The following TRAF3IP3 variants were observed in gnomAD, a reference collection of about 807,000 sequenced individuals.
TRAF3IP3 encodes the protein TRAF3-interacting JNK-activating modulator.
TRAF3IP3 carries 64 observed loss-of-function variants against 86.5 expected under a neutral mutation model. That is an observed-to-expected ratio of 0.74 (90% CI 0.60 to 0.91). The LOEUF (loss-of-function observed/expected upper bound fraction) is 0.91. Among genes scored for constraint, TRAF3IP3 ranks in the 40% least tolerant of loss-of-function variants. The pLI, the probability that TRAF3IP3 is intolerant of heterozygous loss-of-function variation, is 0.00. For synonymous variants in TRAF3IP3, 220 were observed against 243.9 expected (o/e 0.90, Z 0.91); for missense variants, 579 against 642.9 (o/e 0.90, Z 1.07).
intron 8 of TRAF3IP3, among the ~76,000 whole-genome samples, 173 bp from the exon 9 acceptor site, chr1:209,772,775 G>T (rs575620696): frequency 6.6e-6 from 1 of 152,170 alleles, no homozygotes; most frequent in Non-Finnish European, 1.5e-5. Context: ...AGAAACAGGA[G>T]AAGATCCTCT....
At chr1:209,763,278 A>G in intron 6 of TRAF3IP3, 85 bp from the exon 7 acceptor site, 1 of 1,533,994 alleles carries the variant, frequency 6.5e-7, no homozygotes, top group Non-Finnish European at 9.0e-7. Context: ...TTTGCTCTAC[A>G]CAAGCCAGCC....
Position 209,770,680 on chromosome 1 carries a change from GGT to G in TRAF3IP3, c.703-2258_703-2257del, listed in dbSNP as rs1211120812. Among the ~76,000 whole-genome samples, 856 of 136,404 alleles carry G rather than the reference GGT, an allele frequency of 6.3e-3. 15 individuals are homozygous for G. The highest frequency in any genetic ancestry group is 0.023 in the African/African-American group (810 of 35,210). The allele number at this position is 136,404 out of a possible 152,430, so 89.5% of individuals were successfully genotyped here. On this transcript the variant is annotated intron_variant, in intron 8 of 16. Coordinates refer to ENST00000367025, the MANE Select transcript of TRAF3IP3 (RefSeq NM_025228.4). ...GTGAAGGTGTGTGTGTGCATATGGA[GGT>G]GTGTGTGTGCATGTGGAGGTGTGTG...
At chr1:209,777,741 A>T (rs533086041) in intron 12 of TRAF3IP3, 5 of 506,590 alleles carry the variant, frequency 9.9e-6, no homozygotes, top group African/African-American at 9.6e-5. Flanking sequence ...CCTCTGGGCC[A>T]GATCACAGCT....
intron 11 of TRAF3IP3, chr1:209,776,326 A>T (rs1012792077): frequency 6.6e-6 from 1 of 152,264 alleles, no homozygotes; most frequent in East Asian, 1.9e-4. Flanking sequence ...TAAAGCACTT[A>T]GCACAATGCC....
chr1:209,774,179 C>T (rs607303), intron 9 of TRAF3IP3, among the ~76,000 whole-genome samples: 74,974 of 152,148 alleles, frequency 0.49, 20,349 homozygotes, highest in Non-Finnish European at 0.62. Flanking sequence ...GAAGGCAAGA[C>T]CCCCAGTGAA....
intron 14 of TRAF3IP3, chr1:209,779,624 T>C (rs1452735317): frequency 4.9e-6 from 3 of 616,906 alleles, no homozygotes; most frequent in African/African-American, 3.7e-5. Flanking sequence ...ATGTCTGTGT[T>C]GAACATTTCA....
Position 209,760,365 on chromosome 1 carries a change from T to C in TRAF3IP3, c.326T>C (p.Ile109Thr). ...LKEPLSCARR[I>T]SSPREQVTGT... ...GAACCCTTGTCTTGTGCCAGAAGGATTTCTTCTCCCAGAGAGCAGGTGGGC... is the reference window on the plus strand; with the variant it reads ...GAACCCTTGTCTTGTGCCAGAAGGACTTCTTCTCCCAGAGAGCAGGTGGGC... Residue 109 changes from isoleucine to threonine, a missense_variant, in exon 3 of 17, where the codon ATT becomes ACT. Coordinates refer to ENST00000367025, the MANE Select transcript of TRAF3IP3 (RefSeq NM_025228.4). The C allele has an allele frequency of 6.2e-7, 1 of 1,602,836 alleles. No homozygotes were observed. The highest frequency in any genetic ancestry group is 1.7e-4 in the Middle Eastern group (1 of 6,048).
At chr1:209,769,104 A>C (rs2077414041) in intron 8 of TRAF3IP3, among the ~76,000 whole-genome samples, 1 of 152,244 alleles carries the variant, frequency 6.6e-6, no homozygotes, top group Non-Finnish European at 1.5e-5. Context: ...GTACCCCAAA[A>C]GGGTAGGAGA....
chr1:209,766,237 C>G (rs2077353832), intron 8 of TRAF3IP3, among the ~76,000 whole-genome samples: 1 of 152,344 alleles, frequency 6.6e-6, no homozygotes, highest in South Asian at 2.1e-4. Context: ...ATTGTTAGGT[C>G]ATTTTCATTG....
chr1:209,769,516 T>G (rs139124462), intron 8 of TRAF3IP3, among the ~76,000 whole-genome samples: 47 of 152,352 alleles, frequency 3.1e-4, no homozygotes, highest in African/African-American at 1.1e-3. Flanking sequence ...GGCAACACTT[T>G]TTGCTTTTGC....
At position 209,775,341 on chromosome 1, in the gene TRAF3IP3, A is replaced by T. The variant is rs757703021; in HGVS notation, c.775-8A>T. 38 of 1,606,366 alleles carry T rather than the reference A, an allele frequency of 2.4e-5. No individual in the cohort carries two copies. The highest frequency in any genetic ancestry group is 4.0e-5 in the African/African-American group (3 of 74,694). ...ATGTGTATTTGTTGAATTGCATCAA[A>T]TTTACAGAAATACTCCCCTTGGGGA... On this transcript the variant is annotated splice_polypyrimidine_tract_variant and splice_region_variant and intron_variant, in intron 9 of 16. Coordinates refer to ENST00000367025, the MANE Select transcript of TRAF3IP3 (RefSeq NM_025228.4).
chr1:209,775,747 C>T lies in TRAF3IP3; in HGVS notation c.1053+11C>T, dbSNP rs369271000. On this transcript the variant is annotated intron_variant, in intron 11 of 16. Transcript: ENST00000367025. Reference sequence around the variant, plus strand: ...CAGTCCAAACTGCAGGTACCAGGCACTGGGGGTGGGGAGGGAAGACAGGGT... The same window carrying T: ...CAGTCCAAACTGCAGGTACCAGGCATTGGGGGTGGGGAGGGAAGACAGGGT... The T allele has an allele frequency of 1.9e-5, 31 of 1,603,646 alleles. No individual in the cohort carries two copies. Among genetic ancestry groups the T allele is most frequent in the Non-Finnish European group, 2.4e-5 (28 of 1,174,862 alleles).
chr1:209,769,566 G>A lies in TRAF3IP3; in HGVS notation c.703-3382G>A, dbSNP rs144034763. Among the ~76,000 whole-genome samples the A allele has an allele frequency of 4.1e-3, 618 of 152,304 alleles. 6 individuals carry two copies. The highest frequency in any genetic ancestry group is 0.01 in the Middle Eastern group (3 of 294). ...TAACACAGGAAGCTGAAAGGGTGGG[G>A]GCACCCCCTGGCTCCCATGGTTAGA... On this transcript the variant is annotated intron_variant, in intron 8 of 16. Transcript: ENST00000367025.
rs748662932 is a variant in TRAF3IP3 at position 209,760,088 on chromosome 1, G to A, written c.49G>A (p.Glu17Lys). Reference sequence around the variant, plus strand: ...CTCCCCTGGCTTGGCCCGGTGGGCTGAGAGCTATGAGGCCAAGTGTGAGCG... The same window carrying A: ...CTCCCCTGGCTTGGCCCGGTGGGCTAAGAGCTATGAGGCCAAGTGTGAGCG... ...RPSPGLARWA[E>K]SYEAKCERRQ... Residue 17 changes from glutamate to lysine, a missense_variant, in exon 3 of 17, where the codon GAG (glutamate) becomes AAG (lysine). Glu to Lys is a moderately conservative substitution (Grantham distance 56). Transcript: ENST00000367025. 6 of 1,614,032 alleles carry A rather than the reference G, an allele frequency of 3.7e-6. No homozygotes were observed. The African/African-American group carries it at 4.0e-5, about 11-fold the overall frequency.
At chr1:209,768,090 T>C (rs1243223935) in intron 8 of TRAF3IP3, 59 of 960,978 alleles carry the variant, frequency 6.1e-5, no homozygotes, top group Non-Finnish European at 7.1e-5. Context: ...TCTCTATCTC[T>C]TCCATGAAAG....
intron 8 of TRAF3IP3, among the ~76,000 whole-genome samples, chr1:209,767,159 A>C (rs1296421951): frequency 3.3e-5 from 5 of 152,222 alleles, no homozygotes; most frequent in Admixed American, 1.3e-4. Context: ...AACTTGAATA[A>C]TGCATGGACC....
At position 209,756,103 on chromosome 1, in the gene TRAF3IP3, G is replaced by A. The variant is rs1571900590; in HGVS notation, c.-366G>A. On this transcript the variant is annotated 5_prime_UTR_variant, in exon 1 of 17. Transcript: ENST00000367025. The stretch of plus-strand genomic sequence containing the variant: ...GGAACTGGGGTTTGCGAACCTTGTG[G>A]CTTTGTCTGTTTCCTGTTTCAGCAA... 1 of 152,466 alleles carries A rather than the reference G, an allele frequency of 6.6e-6. No homozygotes were observed. Among genetic ancestry groups the A allele is most frequent in the Non-Finnish European group, 1.5e-5 (1 of 68,250 alleles). 9.4% of individuals were successfully genotyped at this position (152,466 alleles called of 1,614,324 possible).
rs2077677363 is a variant in TRAF3IP3, at chr1:209,777,332, G to A, written c.1054-20G>A. ...CCAACACTGACCTCCTTCTATATTG[G>A]CCCTTCCTCCTCCTTACAGGGAGCA... On this transcript the variant is annotated intron_variant, in intron 11 of 16. Transcript: ENST00000367025. 1.2e-6 allele frequency: 2 copies of A among 1,609,536 alleles called. No homozygotes were observed. Among genetic ancestry groups the A allele is most frequent in the East Asian group, 2.2e-5 (1 of 44,778 alleles).
chr1:209,780,825 C>T (rs2077761901), intron 15 of TRAF3IP3: 2 of 333,328 alleles, frequency 6.0e-6, no homozygotes, highest in Non-Finnish European at 1.1e-5. Context: ...AAATGATTAC[C>T]TTTTAGAAAG....
Sources: gnomAD v4.1 joint callset for allele counts (sites outside exome capture counted in the v4.1 genomes callset) on GRCh38, gnomAD v4.1.1 for gene constraint, MANE v1.5 for transcripts, NCBI Gene and HGNC (gene_info 2026-07-23, HGNC 2026-07-21) for gene names.